Variants in MAML1 observed in about 807,000 individuals in gnomAD.
MAML1 encodes the protein mastermind like transcriptional coactivator 1.
In MAML1, 14 loss-of-function variants were observed where a neutral mutation model predicts 77.1. The ratio of observed to expected loss-of-function variants is 0.18; its 90% CI spans 0.12 to 0.28. The LOEUF (loss-of-function observed/expected upper bound fraction) is 0.28. Ranked by LOEUF, MAML1 falls within the 10% of genes least tolerant of loss-of-function variation. MAML1 has a pLI of 1.00. For synonymous variants in MAML1, 516 were observed against 551.9 expected (o/e 0.93, Z 0.91); for missense variants, 1,217 against 1,327.8 (o/e 0.92, Z 1.30).
intron 1 of MAML1, among the ~76,000 whole-genome samples, chr5:179,751,882 T>C (rs1779495219): frequency 6.6e-6 from 1 of 151,816 alleles, no homozygotes; most frequent in African/African-American, 2.4e-5. Context: ...TGTACACCTG[T>C]AGTTCCAGCT....
rs1194195449 is a variant in MAML1, at chr5:179,733,291, A to C, written c.179A>C (p.His60Pro). 5 of 1,452,086 alleles carry C rather than the reference A, an allele frequency of 3.4e-6. No individual in the cohort carries two copies. The allele number at this position is 1,452,086 out of a possible 1,614,324, so 90.0% of individuals were successfully genotyped here. A position where few individuals can be genotyped will look rare whatever the true frequency, so the allele number is the denominator to read the frequency against. Residue 60 changes from histidine (H) to proline (P), a missense_variant, in exon 1 of 5, where the codon CAC (histidine) becomes CCC (proline). Around this residue, in one of 3 missense-constraint regions of MAML1, gnomAD observed 312 missense variants for 331.4 expected, o/e 0.94. Transcript: ENST00000292599. ...ELERQHTFAL[H>P]QRCIQAKAKR... is the part of the protein sequence containing the mutation. ...GAGCGCCAACACACCTTCGCCCTGC[A>C]CCAGCGCTGCATCCAGGCCAAGGCC... is the stretch of plus-strand genomic sequence containing the variant.
At chr5:179,736,699 C>G (rs1293812486) in intron 1 of MAML1, among the ~76,000 whole-genome samples, 1 of 152,114 alleles carries the variant, frequency 6.6e-6, no homozygotes, top group African/African-American at 2.4e-5. Flanking sequence ...CAGTGGTTGA[C>G]TCCTGTAATC....
At chr5:179,753,648 A>ATTTTTTT (rs1463291620) in intron 1 of MAML1, among the ~76,000 whole-genome samples, 2 of 38,282 alleles carry the variant, frequency 5.2e-5, no homozygotes, top group African/African-American at 9.0e-5. Flanking sequence ...TTTTATTATT[A>ATTTTTTT]TTATTATTTT....
intron 1 of MAML1, among the ~76,000 whole-genome samples, chr5:179,756,821 C>T (rs1325430743): frequency 6.6e-6 from 1 of 151,908 alleles, no homozygotes; most frequent in Non-Finnish European, 1.5e-5. Context: ...TTTAGAAGGG[C>T]GAATCAGAAC....
At chr5:179,758,456 G>C (rs1412203195) in intron 1 of MAML1, among the ~76,000 whole-genome samples, 1 of 149,390 alleles carries the variant, frequency 6.7e-6, no homozygotes, top group East Asian at 2.0e-4. Flanking sequence ...GCAGTGGCAC[G>C]ATCATGGCTC....
intron 1 of MAML1, among the ~76,000 whole-genome samples, chr5:179,750,173 A>C (rs540958163): frequency 6.6e-6 from 1 of 152,344 alleles, no homozygotes; most frequent in South Asian, 2.1e-4. Context: ...AGCTGCCCAA[A>C]TAGTGAAATA....
chr5:179,770,095 G>A (rs1173759503), intron 3 of MAML1, among the ~76,000 whole-genome samples: 1 of 152,104 alleles, frequency 6.6e-6, no homozygotes, highest in East Asian at 1.9e-4. Context: ...ATACCCATGA[G>A]CAGCCATTCT....
intron 1 of MAML1, among the ~76,000 whole-genome samples, chr5:179,753,222 TGCGCGCGC>T (rs1171083663): frequency 9.5e-5 from 3 of 31,446 alleles, no homozygotes; most frequent in Non-Finnish European, 2.2e-4. Flanking sequence ...TGTGTGTGTG[TGCGCGCGC>T]GCGCGCGCGT....
rs1755939947 is a variant in MAML1 at position 179,769,872 on chromosome 5, C to T, written c.1971+783C>T. Among the ~76,000 whole-genome samples, 1 of 152,052 alleles carries T rather than the reference C, an allele frequency of 6.6e-6. No individual in the cohort carries two copies. Among genetic ancestry groups the T allele is most frequent in the Non-Finnish European group, 1.5e-5 (1 of 68,012 alleles). On this transcript the variant is annotated intron_variant, in intron 3 of 4. Coordinates refer to ENST00000292599, the MANE Select transcript of MAML1 (RefSeq NM_014757.5). The surrounding 1 kb of genome is among the most constrained non-coding windows in gnomAD (Gnocchi z 4.2). ...CTGGCCTTAAATTACATCTTTAAGA[C>T]ATAAGAACTGGCTCCAGACAGTGAG...
Position 179,745,205 on chromosome 5 carries a change from G to A in MAML1, c.315+11778G>A, listed in dbSNP as rs112661284. Among the ~76,000 whole-genome samples, 609 of 151,816 alleles carry A rather than the reference G, an allele frequency of 4.0e-3. 7 individuals carry two copies. The highest frequency in any genetic ancestry group is 0.014 in the African/African-American group (582 of 41,418). The stretch of plus-strand genomic sequence containing the variant: ...CAGGCGTGAGCCACCGTGCCCGGCC[G>A]CATTATAAATTTTTATAAGTAATTA... On this transcript the variant is annotated intron_variant, in intron 1 of 4. Coordinates refer to ENST00000292599, the MANE Select transcript of MAML1 (RefSeq NM_014757.5).
chr5:179,737,297 T>TC (rs1158492044), intron 1 of MAML1, among the ~76,000 whole-genome samples: 1 of 152,178 alleles, frequency 6.6e-6, no homozygotes, highest in African/African-American at 2.4e-5. Flanking sequence ...GCATTTGGAC[T>TC]CCAAGTTAGT....
In MAML1 at chr5:179,777,189, C is replaced by A; in HGVS notation, c.*2312C>A. 1.0e-6 allele frequency: 1 copy of A among 977,112 alleles called. No homozygotes were observed. The highest frequency in any genetic ancestry group is 1.2e-6 in the Non-Finnish European group (1 of 822,188). 60.5% of individuals were successfully genotyped at this position (977,112 alleles called of 1,614,324 possible). The stretch of plus-strand genomic sequence containing the variant: ...TAAAAGTCCTATTAATCCCCATATT[C>A]TTCTACTGCCCTTAACTCTGGTATA... On this transcript the variant is annotated 3_prime_UTR_variant, in exon 5 of 5. Transcript: ENST00000292599.
chr5:179,739,403 A>T (rs1779236254), intron 1 of MAML1, among the ~76,000 whole-genome samples: 1 of 152,258 alleles, frequency 6.6e-6, no homozygotes. Flanking sequence ...AGAATAGAAA[A>T]ATAAAAATAA....
At chr5:179,764,553 T>A (rs750538274) in intron 1 of MAML1, among the ~76,000 whole-genome samples, 15 of 151,688 alleles carry the variant, frequency 9.9e-5, no homozygotes, top group Admixed American at 3.9e-4. Flanking sequence ...CCAGCTACTC[T>A]GGAGGCTGAG....
chr5:179,741,183 CAA>C (rs1779277517), intron 1 of MAML1, among the ~76,000 whole-genome samples: 1 of 152,202 alleles, frequency 6.6e-6, no homozygotes, highest in South Asian at 2.1e-4. Context: ...TCCTTTTCCA[CAA>C]TTCCCAGCGT....
At chr5:179,764,275 A>G (rs981650127) in intron 1 of MAML1, among the ~76,000 whole-genome samples, 3 of 152,140 alleles carry the variant, frequency 2.0e-5, no homozygotes, top group Admixed American at 6.6e-5. Context: ...TAATAACTTC[A>G]GTGGCATGAA....
At chr5:179,745,924 C>G (rs1779371380) in intron 1 of MAML1, among the ~76,000 whole-genome samples, 1 of 148,810 alleles carries the variant, frequency 6.7e-6, no homozygotes, top group South Asian at 2.1e-4. Flanking sequence ...ATCCCAGCTA[C>G]TCGGGAGGCT....
In MAML1 at chr5:179,766,269, C is replaced by T. The variant is rs141578236; in HGVS notation, c.1259C>T (p.Pro420Leu). 1.4e-3 allele frequency: 2,333 copies of T among 1,613,708 alleles called. 2 individuals are homozygous for T. The highest frequency in any genetic ancestry group is 1.8e-3 in the Non-Finnish European group (2,072 of 1,179,872). Reference sequence around the variant, plus strand: ...CTCCAGAACCCACAGCAGGCCACCCCGGCACCAGCCCCGGGCCAGATGTCC... The same window carrying T: ...CTCCAGAACCCACAGCAGGCCACCCTGGCACCAGCCCCGGGCCAGATGTCC... ...QMLQNPQQAT[P>L]APAPGQMSTW... The change falls in exon 2 of 5, where the codon CCG becomes CTG. Residue 420 changes from proline to leucine, a missense_variant. Coordinates refer to ENST00000292599, the MANE Select transcript of MAML1 (RefSeq NM_014757.5). This position sits in a 1 kb window ranked among gnomAD's most constrained non-coding sequence, Gnocchi z 4.0.
intron 1 of MAML1, among the ~76,000 whole-genome samples, chr5:179,764,982 ATATAATATATATATG>A (rs1779785866): frequency 1.3e-5 from 1 of 75,314 alleles, no homozygotes; most frequent in Non-Finnish European, 3.4e-5. Context: ...ATATATATAT[ATATAATATATATATG>A]TGTGTGTGTG....
Sources: gnomAD v4.1 joint callset for allele counts (sites outside exome capture counted in the v4.1 genomes callset) on GRCh38, gnomAD v4.1.1 for gene constraint, gnomAD v4.1.1 regional missense constraint, Gnocchi (gnomAD v3.1) non-coding constraint, MANE v1.5 for transcripts, NCBI Gene and HGNC (gene_info 2026-07-23, HGNC 2026-07-21) for gene names.